CNTLN: variants seen among roughly 807,000 people sequenced by gnomAD.
CNTLN encodes centlein, centrosomal protein.
CNTLN carries 212 observed loss-of-function variants against 180.0 expected under a neutral mutation model. That is an observed-to-expected ratio of 1.18 (90% CI 1.05 to 1.32). CNTLN has a LOEUF of 1.32. Among genes scored for constraint, CNTLN ranks in the 40% most tolerant of loss-of-function variants. The pLI is 0.00. For missense variants in CNTLN, 2,095 were observed against 1,610.9 expected, an observed-to-expected ratio of 1.30 and a Z score of -5.14; for synonymous variants, 722 against 563.1, an observed-to-expected ratio of 1.28 and a Z score of -3.99.
the CNTLN span, among the ~76,000 whole-genome samples, chr9:17,522,417 C>A: frequency 5.3e-3 from 809 of 152,298 alleles, 4 homozygotes; most frequent in African/African-American, 0.018. Flanking sequence ...GGAAATTAAA[C>A]CTCAGGACTT....
At chr9:17,157,343 C>T (rs896154681) in intron 2 of CNTLN, among the ~76,000 whole-genome samples, 1 of 152,036 alleles carries the variant, frequency 6.6e-6, no homozygotes, top group African/African-American at 2.4e-5. Flanking sequence ...TTTGCTAATA[C>T]CATTACTTTT....
At chr9:17,151,285 C>G (rs1818856661) in intron 2 of CNTLN, among the ~76,000 whole-genome samples, 1 of 152,090 alleles carries the variant, frequency 6.6e-6, no homozygotes, top group South Asian at 2.1e-4. Context: ...CTATGGATTT[C>G]TCATAAATAG....
intron 5 of CNTLN, among the ~76,000 whole-genome samples, chr9:17,264,386 C>G (rs910625946): frequency 9.2e-5 from 14 of 151,516 alleles, no homozygotes; most frequent in Non-Finnish European, 1.8e-4. Flanking sequence ...GGGCTCTGTT[C>G]TGTTCCATTG....
chr9:17,384,463 G>C (rs922621488), intron 13 of CNTLN, among the ~76,000 whole-genome samples: 1 of 152,094 alleles, frequency 6.6e-6, no homozygotes, highest in Non-Finnish European at 1.5e-5. Context: ...TCCTGCCCAG[G>C]TAAACTCAAA....
At chr9:17,268,787 C>G (rs937807244) in intron 5 of CNTLN, among the ~76,000 whole-genome samples, 12 of 151,890 alleles carry the variant, frequency 7.9e-5, no homozygotes, top group African/African-American at 2.7e-4. Context: ...AGTTTGGTCT[C>G]AGACTGCTGT....
At chr9:17,298,415 A>C in intron 7 of CNTLN, 63 bp downstream of exon 7, 4 of 1,349,002 alleles carry the variant, frequency 3.0e-6, no homozygotes, top group Non-Finnish European at 3.8e-6. Flanking sequence ...ACATATATAG[A>C]ATTCAGATTT....
Position 17,145,819 on chromosome 9 carries a change from T to C in CNTLN, c.449+2443T>C, listed in dbSNP as rs186350812. 1.1e-4 allele frequency among the ~76,000 whole-genome samples: 16 copies of C among 152,340 alleles called. 1 individual carries two copies. In the East Asian group the frequency reaches 3.1e-3, roughly 29 times the overall value. ...TTTTGTCGGATTATTTTCAAGTATT[T>C]TTTTTCTCAGAAAGGATGGACAGGT... is the stretch of plus-strand genomic sequence containing the variant. On this transcript the variant is annotated intron_variant, in intron 2 of 25. Coordinates refer to ENST00000380647, the MANE Select transcript of CNTLN (RefSeq NM_017738.4).
intron 18 of CNTLN, among the ~76,000 whole-genome samples, chr9:17,439,466 A>G (rs1476669605): frequency 6.6e-6 from 1 of 152,226 alleles, no homozygotes; most frequent in African/African-American, 2.4e-5. Context: ...GGGTCAAAGA[A>G]GAAAACAAAA....
At chr9:17,249,668 C>T (rs1376892543) in intron 5 of CNTLN, among the ~76,000 whole-genome samples, 2 of 151,880 alleles carry the variant, frequency 1.3e-5, no homozygotes, top group Non-Finnish European at 2.9e-5. Context: ...TTTAAATTTC[C>T]ACATACTTGT....
At chr9:17,358,533 C>T (rs1002935900) in intron 12 of CNTLN, among the ~76,000 whole-genome samples, 2 of 152,020 alleles carry the variant, frequency 1.3e-5, no homozygotes, top group African/African-American at 2.4e-5. Flanking sequence ...ACTACATATA[C>T]ACTATACACA....
chr9:17,359,721 AATAC>A lies in CNTLN; in HGVS notation c.1887-6894_1887-6891del, dbSNP rs1377116291. ...ACGGTGAAACTCCGTCTATACTAAA[AATAC>A]AAAAAAAAAAAAAAAAAAAAAAAAA... On this transcript the variant is annotated intron_variant, in intron 12 of 25. Coordinates refer to ENST00000380647, the MANE Select transcript of CNTLN (RefSeq NM_017738.4). Among the ~76,000 whole-genome samples the A allele has an allele frequency of 5.1e-4, 36 of 70,070 alleles. 3 individuals are homozygous for A. The highest frequency in any genetic ancestry group is 1.7e-3 in the South Asian group (3 of 1,784). 46.0% of individuals were successfully genotyped at this position (70,070 alleles called of 152,430 possible). A position where few individuals can be genotyped will look rare whatever the true frequency, so the allele number is the denominator to read the frequency against.
intron 2 of CNTLN, among the ~76,000 whole-genome samples, chr9:17,162,490 T>C (rs1255359043): frequency 6.6e-6 from 1 of 152,230 alleles, no homozygotes; most frequent in Non-Finnish European, 1.5e-5. Context: ...TGCCTTAAGT[T>C]CCTATACTTT....
At chr9:17,475,375 A>G (rs1483027017) in intron 23 of CNTLN, among the ~76,000 whole-genome samples, 1 of 151,722 alleles carries the variant, frequency 6.6e-6, no homozygotes, top group African/African-American at 2.4e-5. Context: ...GATTCAAAAT[A>G]TAATATTAAA....
At position 17,222,623 on chromosome 9, in the gene CNTLN, A is replaced by G. The variant is rs1331665096; in HGVS notation, c.450-3580A>G. 2.0e-5 allele frequency among the ~76,000 whole-genome samples: 3 copies of G among 151,942 alleles called. No individual in the cohort carries two copies. In the East Asian group the frequency reaches 5.8e-4, roughly 29 times the overall value. Reference sequence around the variant, plus strand: ...TCTGAGGCCTCCCCAGCCATGTCGAACTGTAAGTCCAAGTAAACCTCTTTT... The same window carrying G: ...TCTGAGGCCTCCCCAGCCATGTCGAGCTGTAAGTCCAAGTAAACCTCTTTT... On this transcript the variant is annotated intron_variant, in intron 2 of 25. Coordinates refer to ENST00000380647, the MANE Select transcript of CNTLN (RefSeq NM_017738.4).
intron 19 of CNTLN, among the ~76,000 whole-genome samples, chr9:17,458,322 G>A (rs1831257426): frequency 6.6e-6 from 1 of 151,738 alleles, no homozygotes; most frequent in Admixed American, 6.6e-5. Flanking sequence ...AATAGGATTT[G>A]TGAGTGATCC....
Position 17,393,563 on chromosome 9 carries a change from C to G in CNTLN, c.2080-971C>G, listed in dbSNP as rs117037109. On this transcript the variant is annotated intron_variant, in intron 14 of 25. Transcript: ENST00000380647. The stretch of plus-strand genomic sequence containing the variant: ...AGTTGAATCCCAGAAAAGTTTACCT[C>G]TGTGAAATTTAAGTTTTCAGAACCT... Among the ~76,000 whole-genome samples the G allele has an allele frequency of 2.1e-4, 32 of 152,236 alleles. No individual in the cohort carries two copies. The East Asian group carries it at 6.2e-3, about 29-fold the overall frequency.
chr9:17,383,145 G>A (rs925774377), intron 13 of CNTLN, among the ~76,000 whole-genome samples: 3 of 151,834 alleles, frequency 2.0e-5, no homozygotes, highest in Non-Finnish European at 2.9e-5. Flanking sequence ...TGCATTGTAC[G>A]TATATGTATA....
intron 8 of CNTLN, among the ~76,000 whole-genome samples, chr9:17,311,566 T>A (rs979377513): frequency 6.6e-6 from 1 of 151,612 alleles, no homozygotes; most frequent in South Asian, 2.1e-4. Flanking sequence ...TCCCAGCACT[T>A]TGAGAGGCCG....
chr9:17,473,122 A>T (rs1303635958), intron 23 of CNTLN, among the ~76,000 whole-genome samples: 2 of 152,210 alleles, frequency 1.3e-5, no homozygotes, highest in African/African-American at 4.8e-5. Context: ...ATTAAATAAA[A>T]ACATAACCAT....
Sources: allele counts gnomAD v4.1 joint callset (sites outside exome capture counted in the v4.1 genomes callset), GRCh38; gene constraint gnomAD v4.1.1; transcripts MANE v1.5; gene names NCBI Gene and HGNC (gene_info 2026-07-23, HGNC 2026-07-21).